Variants in STK3 observed in about 807,000 individuals in gnomAD.
STK3 encodes the protein serine/threonine-protein kinase 3.
In STK3, 41 loss-of-function variants were observed where a neutral mutation model predicts 58.0. The observed-to-expected ratio is 0.71, with a 90% CI of 0.55 to 0.92. STK3 has a LOEUF of 0.92. STK3 is among the 40% of genes least tolerant of loss of function. STK3 has a pLI of 0.00. For missense variants in STK3, 479 were observed against 602.7 expected (o/e 0.79, Z 2.15); for synonymous variants, 170 against 191.0 (o/e 0.89, Z 0.91).
At chr8:98,825,823 GCCCCGC>G (rs1835255322), upstream of STK3, 1 of 59,454 alleles carries the variant, frequency 1.7e-5, no homozygotes, top group African/African-American at 6.4e-5. Context: ...CGGCCGCCCC[GCCCCGC>G]CCCCGGCCGC....
At chr8:98,912,073 G>T (rs767918036) in intron 1 of STK3, among the ~76,000 whole-genome samples, 3 of 152,146 alleles carry the variant, frequency 2.0e-5, no homozygotes, top group Non-Finnish European at 4.4e-5. Context: ...GAGTCAGACA[G>T]TTGAAGATCA....
At chr8:98,600,212 G>T (rs998170835) in intron 6 of STK3, among the ~76,000 whole-genome samples, 2 of 152,150 alleles carry the variant, frequency 1.3e-5, no homozygotes, top group Non-Finnish European at 2.9e-5. Context: ...CAAATTAAGG[G>T]AGAGGGTGCA....
chr8:98,364,712 G>A, the STK3 span, among the ~76,000 whole-genome samples: 16 of 152,182 alleles, frequency 1.1e-4, no homozygotes, highest in Non-Finnish European at 2.2e-4. Context: ...GAGAGAGGAG[G>A]TTGGGGATGC....
chr8:98,683,072 A>G (rs944231035), intron 6 of STK3, among the ~76,000 whole-genome samples: 1 of 152,068 alleles, frequency 6.6e-6, no homozygotes, highest in African/African-American at 2.4e-5. Context: ...TTCATCCCCA[A>G]TTAGCAAACC....
chr8:98,548,884 T>C (rs1810939306), intron 8 of STK3, among the ~76,000 whole-genome samples: 1 of 152,158 alleles, frequency 6.6e-6, no homozygotes, highest in South Asian at 2.1e-4. Flanking sequence ...AATCATACAA[T>C]ATATTTTGCT....
In STK3 at chr8:98,569,355, GA is replaced by G. The variant is rs551416384; in HGVS notation, c.948+10308del. ...CATCAGGGATAAAGAGATTACAGAA[GA>G]AAAAAAAGAGGACATTCCACAGGTT... On this transcript the variant is annotated intron_variant, in intron 8 of 10. Coordinates refer to ENST00000419617, the MANE Select transcript of STK3 (RefSeq NM_006281.4). Among the ~76,000 whole-genome samples the G allele has an allele frequency of 1.7e-3, 250 of 151,158 alleles. 1 individual carries two copies. The highest frequency in any genetic ancestry group is 5.7e-3 in the African/African-American group (237 of 41,268).
intron 1 of STK3, among the ~76,000 whole-genome samples, chr8:98,924,583 C>T (rs1332024014): frequency 6.6e-6 from 1 of 152,202 alleles, no homozygotes; most frequent in East Asian, 1.9e-4. Context: ...AAAAGAGGGA[C>T]TAGCCCAAGG....
intron 1 of STK3, among the ~76,000 whole-genome samples, chr8:98,928,966 G>A (rs1395840087): frequency 6.6e-6 from 1 of 152,182 alleles, no homozygotes; most frequent in Non-Finnish European, 1.5e-5. Flanking sequence ...TAATTCAAAG[G>A]TCAAAGCTTG....
chr8:98,811,220 G>A (rs183954040), intron 1 of STK3, among the ~76,000 whole-genome samples: 166 of 152,264 alleles, frequency 1.1e-3, no homozygotes, highest in Middle Eastern at 3.4e-3. Flanking sequence ...TTCCACCCCT[G>A]AGAACAGAGA....
intron 9 of STK3, among the ~76,000 whole-genome samples, chr8:98,530,182 G>A (rs931687380): frequency 5.9e-5 from 9 of 152,108 alleles, no homozygotes; most frequent in Non-Finnish European, 1.2e-4. Context: ...AACTTTTAAG[G>A]TCAGGGGTAC....
At chr8:98,629,787 C>G (rs1490402816) in intron 6 of STK3, among the ~76,000 whole-genome samples, 2 of 152,182 alleles carry the variant, frequency 1.3e-5, no homozygotes, top group Admixed American at 6.5e-5. Context: ...CCTCCCAAGG[C>G]TAGCTACTTC....
intron 6 of STK3, among the ~76,000 whole-genome samples, chr8:98,614,687 A>G (rs1232855839): frequency 6.6e-6 from 1 of 152,198 alleles, no homozygotes; most frequent in African/African-American, 2.4e-5. Flanking sequence ...CGAGTCAAAG[A>G]AAGGGGTGAT....
chr8:98,693,232 CA>C, intron 6 of STK3, among the ~76,000 whole-genome samples: 1 of 151,708 alleles, frequency 6.6e-6, no homozygotes, highest in South Asian at 2.1e-4. Flanking sequence ...CCCATCTCCA[CA>C]AAAAAAATAT....
chr8:98,623,232 GA>G (rs1380339833), intron 6 of STK3, among the ~76,000 whole-genome samples: 2 of 151,918 alleles, frequency 1.3e-5, no homozygotes, highest in Admixed American at 6.6e-5. Context: ...GGAAGAAAGA[GA>G]GGGGGAAAAA....
At position 98,563,138 on chromosome 8, in the gene STK3, A is replaced by G. The variant is rs115978737; in HGVS notation, c.949-14977T>C. On this transcript the variant is annotated intron_variant, in intron 8 of 10. Coordinates refer to ENST00000419617, the MANE Select transcript of STK3 (RefSeq NM_006281.4). ...GTGAACTGTGAATTCTGTTAGACTA[A>G]AGACAAAAGAAATGATACATAAGCA... is the stretch of plus-strand genomic sequence containing the variant. 6.8e-3 allele frequency among the ~76,000 whole-genome samples: 1,030 copies of G among 152,268 alleles called. 8 individuals carry two copies. Among genetic ancestry groups the G allele is most frequent in the African/African-American group, 0.023 (966 of 41,572 alleles).
At chr8:98,525,603 G>A (rs897247062) in intron 10 of STK3, among the ~76,000 whole-genome samples, 1 of 151,950 alleles carries the variant, frequency 6.6e-6, no homozygotes, top group African/African-American at 2.4e-5. Flanking sequence ...GACTAAAGAT[G>A]TATTGATTTT....
At chr8:98,413,130 C>T (rs1818073875) in intron 3 of STK3, 1 of 267,132 alleles carries the variant, frequency 3.7e-6, no homozygotes, top group Non-Finnish European at 7.3e-6. Context: ...TCTCCTGCCT[C>T]AGCTTCCCAA....
At chr8:98,724,126 T>C (rs1827632448) in intron 4 of STK3, among the ~76,000 whole-genome samples, 1 of 152,130 alleles carries the variant, frequency 6.6e-6, no homozygotes, top group Non-Finnish European at 1.5e-5. Context: ...TTAATTACAA[T>C]ACTAAGCGAT....
In STK3 at chr8:98,614,606, C is replaced by T. The variant is rs567013957; in HGVS notation, c.685-18437G>A. Among the ~76,000 whole-genome samples the T allele has an allele frequency of 2.5e-3, 375 of 149,710 alleles. 1 individual carries two copies. The highest frequency in any genetic ancestry group is 9.2e-3 in the African/African-American group (361 of 39,236). On this transcript the variant is annotated intron_variant, in intron 6 of 10. Transcript: ENST00000419617. Reference sequence around the variant, plus strand: ...GGCGCAGGCCAGTGGGTGTGCGCACCGTGCGCGAGCCGAAGCAGGGCGAGG... The same window carrying T: ...GGCGCAGGCCAGTGGGTGTGCGCACTGTGCGCGAGCCGAAGCAGGGCGAGG...
Sources: gnomAD v4.1 joint callset for allele counts (sites outside exome capture counted in the v4.1 genomes callset) on GRCh38, gnomAD v4.1.1 for gene constraint, MANE v1.5 for transcripts, NCBI Gene and HGNC (gene_info 2026-07-23, HGNC 2026-07-21) for gene names.